The following WWOX variants were observed in gnomAD, a reference collection of about 807,000 sequenced individuals.
The protein encoded by WWOX is WW domain containing oxidoreductase, also known as WW domain-containing oxidoreductase.
In WWOX, 69 loss-of-function variants were observed where a neutral mutation model predicts 46.2. That is an observed-to-expected ratio of 1.49 (90% CI 1.23 to 1.82). WWOX has a LOEUF of 1.82. Ranked by LOEUF, WWOX falls within the 40% of genes most tolerant of loss-of-function variation. WWOX has a pLI of 0.00. For synonymous variants in WWOX, 359 were observed against 202.6 expected (o/e 1.77, Z -6.56); for missense variants, 919 against 542.6 (o/e 1.69, Z -6.89).
intron 8 of WWOX, among the ~76,000 whole-genome samples, chr16:79,192,382 C>T (rs183143086): frequency 3.7e-4 from 56 of 152,314 alleles, no homozygotes; most frequent in Admixed American, 3.1e-3. Context: ...GGCAACTCAT[C>T]ACCCCTGTAT....
chr16:78,480,375 A>G (rs569703033), intron 8 of WWOX, among the ~76,000 whole-genome samples: 2 of 152,244 alleles, frequency 1.3e-5, no homozygotes, highest in Non-Finnish European at 2.9e-5. Context: ...CTGTTTATCC[A>G]TTAAACTCTT....
intron 8 of WWOX, among the ~76,000 whole-genome samples, chr16:78,472,871 A>C (rs2084260277): frequency 6.6e-6 from 1 of 151,982 alleles, no homozygotes; most frequent in Admixed American, 6.6e-5. Context: ...TCAGCAGAAT[A>C]AATCTTAGAT....
At chr16:78,675,710 C>A (rs1280549899) in intron 8 of WWOX, among the ~76,000 whole-genome samples, 1 of 152,156 alleles carries the variant, frequency 6.6e-6, no homozygotes, top group Non-Finnish European at 1.5e-5. Flanking sequence ...CGCAGTGGCT[C>A]ATGCCTATAA....
intron 4 of WWOX, among the ~76,000 whole-genome samples, chr16:78,148,415 T>A (rs1375060158): frequency 6.6e-6 from 1 of 152,136 alleles, no homozygotes; most frequent in Non-Finnish European, 1.5e-5. Flanking sequence ...GGAGCAATTG[T>A]TACTTTCTTG....
At chr16:78,548,176 A>AATTC (rs2044089312) in intron 8 of WWOX, among the ~76,000 whole-genome samples, 1 of 94,460 alleles carries the variant, frequency 1.1e-5, no homozygotes, top group Non-Finnish European at 2.5e-5. Flanking sequence ...AAAAAAAAAA[A>AATTC]AATTACGAAT....
At chr16:78,706,949 C>T (rs897873524) in intron 8 of WWOX, among the ~76,000 whole-genome samples, 1 of 152,176 alleles carries the variant, frequency 6.6e-6, no homozygotes, top group African/African-American at 2.4e-5. Context: ...AGGCATCAGC[C>T]GTCATGCCTG....
chr16:79,016,090 T>C (rs2047406785), intron 8 of WWOX: 1 of 152,198 alleles, frequency 6.6e-6, no homozygotes, highest in Non-Finnish European at 1.5e-5. Context: ...TGTATCTCTA[T>C]ATGTTCTCAA....
intron 8 of WWOX, among the ~76,000 whole-genome samples, chr16:78,461,360 G>A (rs2083943080): frequency 6.6e-6 from 1 of 151,642 alleles, no homozygotes; most frequent in East Asian, 1.9e-4. Context: ...GAAAGGAAAG[G>A]GAGAAAAAAC....
chr16:78,851,504 A>G (rs2052442268), intron 8 of WWOX, among the ~76,000 whole-genome samples: 1 of 152,228 alleles, frequency 6.6e-6, no homozygotes, highest in Non-Finnish European at 1.5e-5. Context: ...TCAGAAGATA[A>G]TGAGCCTGAT....
intron 8 of WWOX, among the ~76,000 whole-genome samples, chr16:78,905,318 A>C (rs150629435): frequency 4.5e-4 from 68 of 152,336 alleles, no homozygotes; most frequent in African/African-American, 1.6e-3. Flanking sequence ...AAATCTAAGA[A>C]AAATTCTGCT....
chr16:79,181,095 A>G (rs2050902467), intron 8 of WWOX, among the ~76,000 whole-genome samples: 1 of 152,162 alleles, frequency 6.6e-6, no homozygotes, highest in Non-Finnish European at 1.5e-5. Context: ...TTTATGCTCT[A>G]CCTCTTCCCT....
chr16:78,787,071 C>A (rs2050475499), intron 8 of WWOX, among the ~76,000 whole-genome samples: 1 of 152,144 alleles, frequency 6.6e-6, no homozygotes, highest in Non-Finnish European at 1.5e-5. Context: ...TCGCTTGAAC[C>A]TGGGAGGCGG....
intron 6 of WWOX, among the ~76,000 whole-genome samples, chr16:78,410,436 A>C (rs1223197380): frequency 6.6e-6 from 1 of 151,834 alleles, no homozygotes; most frequent in Non-Finnish European, 1.5e-5. Context: ...TTTCCCAGTT[A>C]CTATTTTTGT....
At chr16:79,050,054 G>C (rs1208661925) in intron 8 of WWOX, among the ~76,000 whole-genome samples, 1 of 152,100 alleles carries the variant, frequency 6.6e-6, no homozygotes, top group Non-Finnish European at 1.5e-5. Context: ...GTTTAAACAG[G>C]TCATTAGAGC....
At chr16:78,575,354 G>A (rs1015873568) in intron 8 of WWOX, among the ~76,000 whole-genome samples, 5 of 151,066 alleles carry the variant, frequency 3.3e-5, no homozygotes, top group African/African-American at 4.9e-5. Context: ...TTTGTTTAGA[G>A]GATACTAGCC....
chr16:79,151,643 A>G (rs2050281168), intron 8 of WWOX, among the ~76,000 whole-genome samples: 1 of 151,786 alleles, frequency 6.6e-6, no homozygotes, highest in Non-Finnish European at 1.5e-5. Flanking sequence ...TGCAGAGGCC[A>G]TGCCTGCAGA....
At chr16:78,683,072 G>C (rs867204737) in intron 8 of WWOX, among the ~76,000 whole-genome samples, 5 of 152,058 alleles carry the variant, frequency 3.3e-5, no homozygotes, top group Non-Finnish European at 5.9e-5. Flanking sequence ...TTAGAACCTG[G>C]GTTCTGACTC....
intron 8 of WWOX, among the ~76,000 whole-genome samples, chr16:79,057,089 T>G (rs1466072014): frequency 6.6e-6 from 1 of 152,202 alleles, no homozygotes; most frequent in Non-Finnish European, 1.5e-5. Flanking sequence ...TTGAAGAGCT[T>G]AACCCACTAA....
At chr16:79,195,212 A>G (rs1277261830) in intron 8 of WWOX, among the ~76,000 whole-genome samples, 2 of 152,020 alleles carry the variant, frequency 1.3e-5, no homozygotes, top group Non-Finnish European at 2.9e-5. Flanking sequence ...TCTGCAACTG[A>G]GATTGGCATG....
Sources: gnomAD v4.1 joint callset for allele counts (sites outside exome capture counted in the v4.1 genomes callset) on GRCh38, gnomAD v4.1.1 for gene constraint, MANE v1.5 for transcripts, NCBI Gene and HGNC (gene_info 2026-07-23, HGNC 2026-07-21) for gene names.